VTN: variants seen among roughly 807,000 people sequenced by gnomAD.
The protein encoded by VTN is vitronectin.
In VTN, 45 loss-of-function variants were observed where a neutral mutation model predicts 55.9. The ratio of observed to expected loss-of-function variants is 0.80; its 90% CI spans 0.63 to 1.03. The LOEUF (loss-of-function observed/expected upper bound fraction) is 1.03, where lower values mean the gene tolerates loss of function less well. Ranked by LOEUF, VTN falls within the 50% of genes least tolerant of loss-of-function variation. VTN has a pLI of 0.00. For missense variants in VTN, 589 were observed against 638.2 expected (o/e 0.92, Z 0.83); for synonymous variants, 238 against 242.3 (o/e 0.98, Z 0.17).
In VTN at chr17:28,368,639, C is replaced by T; in HGVS notation, c.861G>A (p.Gln287=). ...KQYWEYQFQH[Q]PSQEECEGSS... ...TGCCTTCACACTCCTCCTGACTGGG[C>T]TGGTGCTGGAACTGGTACTCCCAGT... The change falls in exon 6 of 8, where the codon CAG becomes CAA. Residue 287 remains glutamine (Q), a synonymous_variant. Coordinates refer to ENST00000226218, the MANE Select transcript of VTN (RefSeq NM_000638.4). 1 of 1,613,894 alleles carries T rather than the reference C, an allele frequency of 6.2e-7. No homozygotes were observed. The highest frequency in any genetic ancestry group is 8.5e-7 in the Non-Finnish European group (1 of 1,180,020).
chr17:28,367,997 C>T lies in VTN; in HGVS notation c.1042G>A (p.Ala348Thr), dbSNP rs2067920582. The change falls in exon 7 of 8, where the codon GCA becomes ACA. Residue 348 changes from alanine (A) to threonine (T), a missense_variant. Coordinates refer to ENST00000226218, the MANE Select transcript of VTN (RefSeq NM_000638.4). ...DWHGVPGQVD[A>T]AMAGRIYISG... Reference sequence around the variant, plus strand: ...ATGTAGATGCGGCCAGCCATGGCTGCGTCCACTTGCCCTGGCACACCGTGC... The same window carrying T: ...ATGTAGATGCGGCCAGCCATGGCTGTGTCCACTTGCCCTGGCACACCGTGC... 1.9e-6 allele frequency: 3 copies of T among 1,592,980 alleles called. No individual in the cohort carries two copies. The highest frequency in any genetic ancestry group is 4.6e-5 in the East Asian group (2 of 43,870).
In VTN at chr17:28,369,397, T is replaced by C; in HGVS notation, c.561A>G (p.Ala187=). Residue 187 remains alanine, a synonymous_variant, in exon 4 of 8, where the codon GCA becomes GCG. Coordinates refer to ENST00000226218, the MANE Select transcript of VTN (RefSeq NM_000638.4). This position sits in a 1 kb window ranked among gnomAD's most constrained non-coding sequence, Gnocchi z 5.3. ...GQYCYELDEK[A]VRPGYPKLIR... ...TGAGCTTGGGGTACCCAGGCCTCAC[T>C]GCCTTTTCGTCCAGTTCATAGCAGT... 2 of 1,602,746 alleles carry C rather than the reference T, an allele frequency of 1.2e-6. No individual in the cohort carries two copies. Among genetic ancestry groups the C allele is most frequent in the South Asian group, 2.2e-5 (2 of 90,530 alleles).
In VTN at chr17:28,370,052, A is replaced by C; in HGVS notation, c.65-6T>G. On this transcript the variant is annotated splice_polypyrimidine_tract_variant and splice_region_variant and intron_variant, in intron 1 of 7. Transcript: ENST00000226218. The stretch of plus-strand genomic sequence containing the variant: ...GCAGCGGCCCTTGCATGACTCTATG[A>C]GGAAGGAGTGTCAGTCGGTGCCACC... 2.5e-6 allele frequency: 4 copies of C among 1,614,090 alleles called. No individual in the cohort carries two copies. Among genetic ancestry groups the C allele is most frequent in the Non-Finnish European group, 3.4e-6 (4 of 1,180,012 alleles).
chr17:28,367,659 G>T, intron 7 of VTN, 56 bp downstream of exon 7: 1 of 1,559,792 alleles, frequency 6.4e-7, no homozygotes. Flanking sequence ...TTGTGCACCA[G>T]GGACAGCAAG....
chr17:28,367,470 G>T lies in VTN; in HGVS notation c.1336C>A (p.Arg446=). ...VFFFSGDKYY[R]VNLRTRRVDT... ...ACTCGCCGTGTGCGAAGATTGACTC[G>T]GTAGTACTTGTCTGGAAGAGAGGAA... The change falls in exon 8 of 8, where the codon CGA becomes AGA. Residue 446 remains arginine (R), a synonymous_variant. Coordinates refer to ENST00000226218, the MANE Select transcript of VTN (RefSeq NM_000638.4). The T allele has an allele frequency of 6.2e-7, 1 of 1,613,434 alleles. No homozygotes were observed. Among genetic ancestry groups the T allele is most frequent in the South Asian group, 1.1e-5 (1 of 90,988 alleles).
rs148994005 is a variant in VTN at position 28,370,143 on chromosome 17, G to C, written c.61C>G (p.Gln21Glu). The C allele has an allele frequency of 2.5e-6, 4 of 1,613,764 alleles. No individual in the cohort carries two copies. In the Admixed American group the frequency reaches 6.7e-5, roughly 27 times the overall value. The change falls in exon 1 of 8, where the codon CAA becomes GAA. Residue 21 changes from glutamine to glutamate, a missense_variant. By Grantham distance (29) the Gln-to-Glu change is conservative. Around this residue, in one of 3 missense-constraint regions of VTN, gnomAD observed 217 missense variants for 241.3 expected, o/e 0.90. Transcript: ENST00000226218. The part of the protein sequence containing the change: ...ALLAWVALAD[Q>E]ESCKGRCTEG... ...GGCCACCAACACTCCCCTGTACCTT[G>C]GTCAGCCAGAGCAACCCATGCCAGC...
rs2142416747 is a variant in VTN, at chr17:28,369,810, T to C, written c.226A>G (p.Thr76Ala). Residue 76 changes from threonine (T) to alanine (A), a missense_variant, in exon 3 of 8, where the codon ACG becomes GCG. Transcript: ENST00000226218. This position sits in a 1 kb window ranked among gnomAD's most constrained non-coding sequence, Gnocchi z 5.3. ...TTCTCCTCGCCATCGTCATAGACCG[T>C]GTACTCATCCTCCGGCATAGTGAAC... is the stretch of plus-strand genomic sequence containing the variant. The part of the protein sequence containing the change: ...DVFTMPEDEY[T>A]VYDDGEEKNN... 1 of 1,613,806 alleles carries C rather than the reference T, an allele frequency of 6.2e-7. No individual in the cohort carries two copies. Among genetic ancestry groups the C allele is most frequent in the East Asian group, 2.2e-5 (1 of 44,868 alleles).
Position 28,369,940 on chromosome 17 carries a change from C to T in VTN, c.171G>A (p.Glu57=). 1 of 1,614,094 alleles carries T rather than the reference C, an allele frequency of 6.2e-7. No homozygotes were observed. Among genetic ancestry groups the T allele is most frequent in the Non-Finnish European group, 8.5e-7 (1 of 1,180,020 alleles). ...YQSCCTDYTA[E]CKPQVTRGDV... ...CTCTGAACACACCTTGGGGCTTGCACTCAGCCGTATAGTCTGTGCAGCAGC... is the reference window on the plus strand; with the variant it reads ...CTCTGAACACACCTTGGGGCTTGCATTCAGCCGTATAGTCTGTGCAGCAGC... Residue 57 remains glutamate (E), a synonymous_variant, in exon 2 of 8, where the codon GAG becomes GAA. Transcript: ENST00000226218. This position sits in a 1 kb window ranked among gnomAD's most constrained non-coding sequence, Gnocchi z 5.3.
In VTN at chr17:28,368,603, C is replaced by A. The variant is rs375312303; in HGVS notation, c.897G>T (p.Ser299=). The change falls in exon 6 of 8, where the codon TCG becomes TCT. Residue 299 remains serine, a synonymous_variant. Coordinates refer to ENST00000226218, the MANE Select transcript of VTN (RefSeq NM_000638.4). ...SQEECEGSSL[S]AVFEHFAMMQ... is the part of the protein sequence containing the mutation. Reference sequence around the variant, plus strand: ...TCATGGCAAAGTGTTCAAACACAGCCGACAGGGAGCTGCCTTCACACTCCT... The same window carrying A: ...TCATGGCAAAGTGTTCAAACACAGCAGACAGGGAGCTGCCTTCACACTCCT... 2 of 1,613,874 alleles carry A rather than the reference C, an allele frequency of 1.2e-6. No homozygotes were observed. The highest frequency in any genetic ancestry group is 2.2e-5 in the East Asian group (1 of 44,894).
rs1555583283 is a variant in VTN at position 28,367,949 on chromosome 17, A to C, written c.1090T>G (p.Ser364Ala). 1 of 1,601,726 alleles carries C rather than the reference A, an allele frequency of 6.2e-7. No individual in the cohort carries two copies. Among genetic ancestry groups the C allele is most frequent in the Non-Finnish European group, 8.5e-7 (1 of 1,174,356 alleles). ...CTAAACCTTTGTTTCTTGGCCAAGG[A>C]GGGGCGGGGTGCCATGCCTGAGATG... ...IYISGMAPRPSLAKKQRFRHR... is the reference protein window; with the variant it reads ...IYISGMAPRPALAKKQRFRHR... Residue 364 changes from serine to alanine, a missense_variant, in exon 7 of 8, where the codon TCC becomes GCC. Coordinates refer to ENST00000226218, the MANE Select transcript of VTN (RefSeq NM_000638.4).
In VTN at chr17:28,367,697, G is replaced by A; in HGVS notation, c.1324+18C>T. 1 of 1,602,254 alleles carries A rather than the reference G, an allele frequency of 6.2e-7. No individual in the cohort carries two copies. The highest frequency in any genetic ancestry group is 1.1e-5 in the South Asian group (1 of 90,664). On this transcript the variant is annotated intron_variant, in intron 7 of 7. Coordinates refer to ENST00000226218, the MANE Select transcript of VTN (RefSeq NM_000638.4). ...AAACCCAAGCTAGACCAGCTTCAGG[G>A]GTGGCAGCGGCTCCTACCTCCAGAG...
chr17:28,370,232 A>G lies in VTN; in HGVS notation c.-29T>C, dbSNP rs782353369. The G allele has an allele frequency of 2.7e-5, 43 of 1,600,754 alleles. No individual in the cohort carries two copies. Among genetic ancestry groups the G allele is most frequent in the Non-Finnish European group, 3.4e-5 (40 of 1,171,680 alleles). ...AGGGCTTCTAGCTCAGTGCCTGGCA[A>G]GCTGGGCTCTGGTCTCCCTGAAGTC... On this transcript the variant is annotated 5_prime_UTR_variant, in exon 1 of 8. Transcript: ENST00000226218.
Position 28,367,377 on chromosome 17 carries a change from G to A in VTN, c.1429C>T (p.His477Tyr). ...QYWLGCPAPG[H>Y]L is the part of the protein sequence containing the mutation. The stretch of plus-strand genomic sequence containing the variant: ...CATGTGGGCTCTGACTCCTACAGAT[G>A]GCCAGGAGCTGGGCAGCCCAGCCAG... The change falls in exon 8 of 8, where the codon CAT (histidine) becomes TAT (tyrosine). Residue 477 changes from histidine to tyrosine, a missense_variant. Physicochemically the swap from His to Tyr is moderately conservative, Grantham distance 83 (BLOSUM62 2). Around this residue, in one of 3 missense-constraint regions of VTN, gnomAD observed 334 missense variants for 328.2 expected, o/e 1.02. Transcript: ENST00000226218. 6.3e-7 allele frequency: 1 copy of A among 1,590,432 alleles called. No homozygotes were observed. The highest frequency in any genetic ancestry group is 8.5e-7 in the Non-Finnish European group (1 of 1,170,564).
chr17:28,369,211 T>G lies in VTN; in HGVS notation c.669+78A>C, dbSNP rs1353483436. ...TGCAGGGCCCTGGGTCCAGCTTCCC[T>G]GTCCACCCTGTCCCTGGGAGCAATA... On this transcript the variant is annotated intron_variant, in intron 4 of 7. Transcript: ENST00000226218. The surrounding 1 kb of genome is among the most constrained non-coding windows in gnomAD (Gnocchi z 5.3). 6.6e-7 allele frequency: 1 copy of G among 1,519,216 alleles called. No homozygotes were observed. Among genetic ancestry groups the G allele is most frequent in the African/African-American group, 1.4e-5 (1 of 71,940 alleles). 94.1% of individuals were successfully genotyped at this position (1,519,216 alleles called of 1,614,324 possible). A position where few individuals can be genotyped will look rare whatever the true frequency, so the allele number is the denominator to read the frequency against.
At position 28,369,591 on chromosome 17, in the gene VTN, G is replaced by A. The variant is rs1259951331; in HGVS notation, c.445C>T (p.Pro149Ser). 1.2e-6 allele frequency: 2 copies of A among 1,613,348 alleles called. No individual in the cohort carries two copies. Among genetic ancestry groups the A allele is most frequent in the South Asian group, 2.2e-5 (2 of 91,082 alleles). ...CTGCACAGCTCCTCCTCTGCTGGGG[G>A]CTGAGGTCTCCCTGGATGAAGGGTC... The part of the protein sequence containing the change: ...PETLHPGRPQ[P>S]PAEEELCSGK... The change falls in exon 3 of 8, where the codon CCC becomes TCC. Residue 149 changes from proline (P) to serine (S), a missense_variant. Pro to Ser is a moderately conservative substitution (Grantham distance 74). Around this residue, in one of 3 missense-constraint regions of VTN, gnomAD observed 217 missense variants for 241.3 expected, o/e 0.90. Transcript: ENST00000226218. This position sits in a 1 kb window ranked among gnomAD's most constrained non-coding sequence, Gnocchi z 5.3.
chr17:28,369,066 G>A lies in VTN; in HGVS notation c.670-38C>T, dbSNP rs371646010. Reference sequence around the variant, plus strand: ...GAAAGTGAAAAGGGGTATGGAGGCCGCTGGCTGGGCACAGAGGCAGAGTCC... The same window carrying A: ...GAAAGTGAAAAGGGGTATGGAGGCCACTGGCTGGGCACAGAGGCAGAGTCC... On this transcript the variant is annotated intron_variant, in intron 4 of 7. Coordinates refer to ENST00000226218, the MANE Select transcript of VTN (RefSeq NM_000638.4). The surrounding 1 kb of genome is among the most constrained non-coding windows in gnomAD (Gnocchi z 5.3). The A allele has an allele frequency of 6.7e-5, 103 of 1,548,296 alleles. No homozygotes were observed. The highest frequency in any genetic ancestry group is 1.8e-4 in the Middle Eastern group (1 of 5,524).
intron 6 of VTN, 64 bp downstream of exon 6, chr17:28,368,451 CCTGGCT>C: frequency 6.3e-7 from 1 of 1,583,992 alleles, no homozygotes; most frequent in Non-Finnish European, 8.6e-7. Flanking sequence ...CTCCAGCCGG[CCTGGCT>C]CTACCAATAC....
At position 28,370,144 on chromosome 17, in the gene VTN, G is replaced by T. The variant is rs2067940540; in HGVS notation, c.60C>A (p.Asp20Glu). Reference sequence around the variant, plus strand: ...GCCACCAACACTCCCCTGTACCTTGGTCAGCCAGAGCAACCCATGCCAGCA... The same window carrying T: ...GCCACCAACACTCCCCTGTACCTTGTTCAGCCAGAGCAACCCATGCCAGCA... ...LALLAWVALA[D>E]QESCKGRCTE... The change falls in exon 1 of 8, where the codon GAC becomes GAA. Residue 20 changes from aspartate to glutamate, a missense_variant. Transcript: ENST00000226218. 2 of 1,613,780 alleles carry T rather than the reference G, an allele frequency of 1.2e-6. No individual in the cohort carries two copies. The highest frequency in any genetic ancestry group is 1.7e-6 in the Non-Finnish European group (2 of 1,179,764).
In VTN at chr17:28,368,910, T is replaced by C. The variant is rs1253018576; in HGVS notation, c.788A>G (p.His263Arg). Residue 263 changes from histidine (H) to arginine (R), a missense_variant, in exon 5 of 8, where the codon CAT (histidine) becomes CGT (arginine). Around this residue, in one of 3 missense-constraint regions of VTN, gnomAD observed 334 missense variants for 328.2 expected, o/e 1.02. Coordinates refer to ENST00000226218, the MANE Select transcript of VTN (RefSeq NM_000638.4). The stretch of plus-strand genomic sequence containing the variant: ...GACCCGCTCCCGGCCACTGTAGCTA[T>C]GGGCAGGGAGGGCCAAGGCTGCATC... ...NVDAALALPAHSYSGRERVYF... is the reference protein window; with the variant it reads ...NVDAALALPARSYSGRERVYF... 1.7e-5 allele frequency: 28 copies of C among 1,612,528 alleles called. No individual in the cohort carries two copies. Among genetic ancestry groups the C allele is most frequent in the Non-Finnish European group, 2.3e-5 (27 of 1,179,612 alleles).
Sources: gnomAD v4.1 joint callset for allele counts on GRCh38, gnomAD v4.1.1 for gene constraint, gnomAD v4.1.1 regional missense constraint, Gnocchi (gnomAD v3.1) non-coding constraint, MANE v1.5 for transcripts, NCBI Gene and HGNC (gene_info 2026-07-23, HGNC 2026-07-21) for gene names.